Variants in PHLPP1 observed in about 807,000 individuals in gnomAD.
PHLPP1 encodes PH domain leucine-rich repeat-containing protein phosphatase 1.
Under a neutral mutation model 117.2 loss-of-function variants are expected in PHLPP1, and 42 were observed. The observed-to-expected ratio is 0.36, with a 90% confidence interval of 0.28 to 0.46. The LOEUF (loss-of-function observed/expected upper bound fraction) is 0.46, where lower values mean the gene tolerates loss of function less well. Ranked by LOEUF, PHLPP1 falls within the 20% of genes least tolerant of loss-of-function variation. The pLI is 1.00. For missense variants in PHLPP1, 2,084 were observed against 2,241.9 expected, an observed-to-expected ratio of 0.93 and a Z score of 1.42; for synonymous variants, 1,042 against 970.7, an observed-to-expected ratio of 1.07 and a Z score of -1.37.
chr18:62,769,727 C>T (rs1912689312), intron 1 of PHLPP1, among the ~76,000 whole-genome samples: 1 of 152,160 alleles, frequency 6.6e-6, no homozygotes. Flanking sequence ...GCATAGTATA[C>T]CCAAATTCTT....
chr18:62,963,319 A>C (rs919671272), intron 13 of PHLPP1, 49 bp from the exon 14 acceptor site: 1 of 1,258,866 alleles, frequency 7.9e-7, no homozygotes, highest in African/African-American at 1.5e-5. Flanking sequence ...AGCAATTTGC[A>C]CACATTTGGT....
intron 9 of PHLPP1, 67 bp downstream of exon 9, chr18:62,915,075 G>A (rs779714175): frequency 9.2e-5 from 105 of 1,136,730 alleles, no homozygotes; most frequent in Non-Finnish European, 1.4e-4. Context: ...TGCTGATTCA[G>A]TGTTTAACTT....
At chr18:62,750,480 A>G (rs1019384069) in intron 1 of PHLPP1, among the ~76,000 whole-genome samples, 1 of 152,184 alleles carries the variant, frequency 6.6e-6, no homozygotes, top group African/African-American at 2.4e-5. Context: ...TTTACGTAGG[A>G]GAAAAAGAAA....
intron 3 of PHLPP1, chr18:62,839,841 T>C (rs1915009255): frequency 6.7e-6 from 1 of 149,066 alleles, no homozygotes; most frequent in Non-Finnish European, 1.5e-5. Context: ...AATCACATTA[T>C]AAATAAGACA....
At chr18:62,885,907 G>T (rs1029232891) in intron 4 of PHLPP1, among the ~76,000 whole-genome samples, 1 of 152,150 alleles carries the variant, frequency 6.6e-6, no homozygotes, top group Non-Finnish European at 1.5e-5. Flanking sequence ...CTAGATTACA[G>T]GGGAAACTAA....
rs114791702 is a variant in PHLPP1, at chr18:62,789,861, T to A, written c.1577-40174T>A. 2.7e-3 allele frequency among the ~76,000 whole-genome samples: 409 copies of A among 152,330 alleles called. 2 individuals are homozygous for A. The highest frequency in any genetic ancestry group is 9.6e-3 in the African/African-American group (398 of 41,568). On this transcript the variant is annotated intron_variant, in intron 1 of 16. Coordinates refer to ENST00000262719, the MANE Select transcript of PHLPP1 (RefSeq NM_194449.4). The stretch of plus-strand genomic sequence containing the variant: ...CATGAGTATAAGGAAAGTAAACATA[T>A]AAACCTTTGATGCTTTTCACAGTAA...
intron 1 of PHLPP1, among the ~76,000 whole-genome samples, chr18:62,741,797 T>C (rs536946624): frequency 2.0e-5 from 3 of 151,326 alleles, no homozygotes; most frequent in African/African-American, 7.3e-5. Flanking sequence ...GCATTGCAAA[T>C]AGGGAAACAG....
chr18:62,837,986 G>A (rs943843527), intron 2 of PHLPP1: 1 of 151,834 alleles, frequency 6.6e-6, no homozygotes, highest in Non-Finnish European at 1.5e-5. Flanking sequence ...AGTTCTTAAG[G>A]TGCATGCCGA....
At chr18:62,857,939 A>T (rs778384127) in intron 3 of PHLPP1, among the ~76,000 whole-genome samples, 15 of 152,182 alleles carry the variant, frequency 9.9e-5, no homozygotes, top group Non-Finnish European at 2.1e-4. Flanking sequence ...CACTTTCTAT[A>T]AACAGGTTCC....
intron 1 of PHLPP1, among the ~76,000 whole-genome samples, chr18:62,761,489 C>T (rs531531273): frequency 4.6e-5 from 7 of 151,814 alleles, no homozygotes; most frequent in South Asian, 2.1e-4. Context: ...AAAAATTAGC[C>T]GGATGTGGTG....
At chr18:62,811,927 T>C (rs1234885843) in intron 1 of PHLPP1, among the ~76,000 whole-genome samples, 1 of 152,226 alleles carries the variant, frequency 6.6e-6, no homozygotes, top group Non-Finnish European at 1.5e-5. Flanking sequence ...TCTAATGCAG[T>C]AGAGAGGAGT....
chr18:62,748,938 A>G (rs1190375290), intron 1 of PHLPP1, among the ~76,000 whole-genome samples: 1 of 152,138 alleles, frequency 6.6e-6, no homozygotes, highest in Non-Finnish European at 1.5e-5. Context: ...GAAGTTTTAT[A>G]ATACATTATT....
At chr18:62,961,530 C>T (rs1910769099) in intron 13 of PHLPP1, among the ~76,000 whole-genome samples, 1 of 151,946 alleles carries the variant, frequency 6.6e-6, no homozygotes, top group Non-Finnish European at 1.5e-5. Context: ...TTATAAATGC[C>T]TTTAAAAATG....
intron 4 of PHLPP1, among the ~76,000 whole-genome samples, chr18:62,866,593 T>TA (rs1188618623): frequency 1.3e-5 from 2 of 152,232 alleles, no homozygotes; most frequent in Admixed American, 1.3e-4. Flanking sequence ...CGATGAATGT[T>TA]ACAGTTTTCT....
At chr18:62,864,273 C>T (rs552033325) in intron 4 of PHLPP1, among the ~76,000 whole-genome samples, 5 of 152,284 alleles carry the variant, frequency 3.3e-5, no homozygotes, top group East Asian at 1.9e-4. Flanking sequence ...CCACCCACCT[C>T]GGCCTCCCAA....
chr18:62,865,025 G>T (rs890353388), intron 4 of PHLPP1, among the ~76,000 whole-genome samples: 1 of 152,056 alleles, frequency 6.6e-6, no homozygotes, highest in African/African-American at 2.4e-5. Context: ...TCTATGTATT[G>T]TTACTAATTT....
At chr18:62,959,415 T>G (rs1910703647) in intron 13 of PHLPP1, among the ~76,000 whole-genome samples, 2 of 152,192 alleles carry the variant, frequency 1.3e-5, no homozygotes, top group African/African-American at 4.8e-5. Flanking sequence ...CATTATAAAT[T>G]TGTGTGCATT....
intron 1 of PHLPP1, among the ~76,000 whole-genome samples, chr18:62,720,526 A>G (rs1188275522): frequency 6.6e-6 from 1 of 152,110 alleles, no homozygotes; most frequent in Non-Finnish European, 1.5e-5. Context: ...GGAATGATCA[A>G]ACCTTAATGT....
At chr18:62,728,104 G>A (rs1287354183) in intron 1 of PHLPP1, among the ~76,000 whole-genome samples, 1 of 151,936 alleles carries the variant, frequency 6.6e-6, no homozygotes, top group Non-Finnish European at 1.5e-5. Flanking sequence ...AGACCAGCCT[G>A]GCCAACATGG....
Sources: allele counts gnomAD v4.1 joint callset (sites outside exome capture counted in the v4.1 genomes callset), GRCh38; gene constraint gnomAD v4.1.1; transcripts MANE v1.5; gene names NCBI Gene and HGNC (gene_info 2026-07-23, HGNC 2026-07-21).